COX7B: variants seen among roughly 807,000 people sequenced by gnomAD.
COX7B encodes cytochrome c oxidase subunit 7B, mitochondrial.
In COX7B, 2 loss-of-function variants were observed where a neutral mutation model predicts 7.9. The ratio of observed to expected loss-of-function variants is 0.25; its 90% CI spans 0.10 to 0.79. The LOEUF is 0.79. Among genes scored for constraint, COX7B ranks in the 30% least tolerant of loss-of-function variants. The pLI, the probability that COX7B is intolerant of heterozygous loss-of-function variation, is 0.69. For missense variants in COX7B, 54 were observed against 62.7 expected (o/e 0.86, Z 0.47); for synonymous variants, 19 against 21.1 (o/e 0.90, Z 0.27).
In COX7B at chrX:77,899,550, C is replaced by T; in HGVS notation, c.-4C>T. The T allele has an allele frequency of 8.3e-7, 1 of 1,211,378 alleles. No homozygotes were observed. On this transcript the variant is annotated 5_prime_UTR_variant, in exon 1 of 3. Coordinates refer to ENST00000650309, the MANE Select transcript of COX7B (RefSeq NM_001866.3). ...ATTGCCGCAGTTCTAGCTTCACCTT[C>T]ACGATGTTTCCCTTGGTCAAAAGCG...
chrX:77,906,835 C>T lies in COX7B; in HGVS notation c.*1574C>T, dbSNP rs1302527919. 3 of 110,704 alleles carry T rather than the reference C, an allele frequency of 2.7e-5. No homozygotes were observed. The highest frequency in any genetic ancestry group is 5.7e-5 in the Non-Finnish European group (3 of 52,904). The allele number at this position is 110,704 out of a possible 1,213,427, so 9.1% of individuals were successfully genotyped here. On this transcript the variant is annotated 3_prime_UTR_variant, in exon 3 of 3. Transcript: ENST00000650309. ...TAGAGATGGGGTTTCACCATGTTGG[C>T]CAACCTGGTCTTGAACTCCTGACCT...
At chrX:77,902,833 T>C (rs2077124247) in intron 2 of COX7B, 66 bp downstream of exon 2, 1 of 1,058,258 alleles carries the variant, frequency 9.4e-7, no homozygotes, top group African/African-American at 1.8e-5. Flanking sequence ...GCATTCAAAG[T>C]GTCTTAACAT....
chrX:77,902,227 T>C (rs2077122136), intron 1 of COX7B, among the ~76,000 whole-genome samples: 1 of 112,045 alleles, frequency 8.9e-6, no homozygotes, highest in East Asian at 2.8e-4. Context: ...AGTATTCAAA[T>C]TAATCAATGG....
rs1410372215 is a variant in COX7B, at chrX:77,905,514, G to A, written c.*253G>A. The A allele has an allele frequency of 1.3e-4, 25 of 189,466 alleles. No homozygotes were observed. The highest frequency in any genetic ancestry group is 9.5e-4 in the African/African-American group (18 of 18,958). 15.6% of individuals were successfully genotyped at this position (189,466 alleles called of 1,213,427 possible). A position where few individuals can be genotyped will look rare whatever the true frequency, so the allele number is the denominator to read the frequency against. On this transcript the variant is annotated 3_prime_UTR_variant, in exon 3 of 3. Coordinates refer to ENST00000650309, the MANE Select transcript of COX7B (RefSeq NM_001866.3). ...TTTTTTTTTTTTTTTTTTTTGGGAC[G>A]AAGTCTCACTTTGTCCCCCAGGCTG...
intron 2 of COX7B, 47 bp from the exon 3 acceptor site, chrX:77,905,137 T>C (rs1189318010): frequency 4.5e-5 from 43 of 956,318 alleles, no homozygotes; most frequent in Non-Finnish European, 6.2e-5. Context: ...TCCGAGAGAG[T>C]GTACTCTGGT....
In COX7B at chrX:77,907,251, G is replaced by A. The variant is rs1603367547; in HGVS notation, c.*1990G>A. ...GTACCACTGTTTGATAAATTTGAAC[G>A]CTTTATGGTATTTCATATTTAGAAT... On this transcript the variant is annotated 3_prime_UTR_variant, in exon 3 of 3. Coordinates refer to ENST00000650309, the MANE Select transcript of COX7B (RefSeq NM_001866.3). The A allele has an allele frequency of 9.0e-6, 1 of 111,645 alleles. No homozygotes were observed. The highest frequency in any genetic ancestry group is 3.7e-4 in the South Asian group (1 of 2,700). 9.2% of individuals were successfully genotyped at this position (111,645 alleles called of 1,213,427 possible). A position where few individuals can be genotyped will look rare whatever the true frequency, so the allele number is the denominator to read the frequency against.
At chrX:77,899,708 T>A in intron 1 of COX7B, 115 bp downstream of exon 1, 2 of 705,281 alleles carry the variant, frequency 2.8e-6, no homozygotes, top group Non-Finnish European at 4.4e-6. Flanking sequence ...GAATGCTGTC[T>A]GTCTCCCATC....
intron 1 of COX7B, 60 bp from the exon 2 acceptor site, chrX:77,902,583 G>T: frequency 1.7e-6 from 2 of 1,172,890 alleles, no homozygotes; most frequent in Non-Finnish European, 2.3e-6. Context: ...AATCACATAT[G>T]TTTTCTTTAC....
intron 2 of COX7B, 29 bp from the exon 3 acceptor site, chrX:77,905,155 C>T (rs372363360): frequency 1.7e-5 from 19 of 1,127,536 alleles, no homozygotes; most frequent in African/African-American, 3.6e-5. Flanking sequence ...GGTTTAAACA[C>T]GTAACTGACA....
In COX7B at chrX:77,906,423, T is replaced by C. The variant is rs782040995; in HGVS notation, c.*1162T>C. The C allele has an allele frequency of 2.7e-5, 3 of 112,053 alleles. No homozygotes were observed. The East Asian group carries it at 8.4e-4, about 31-fold the overall frequency. 9.2% of individuals were successfully genotyped at this position (112,053 alleles called of 1,213,427 possible). ...TGTTTTGGCATATTCATCTTGATTA[T>C]AGCTCTTGGTCTTTCATCATATTAG... On this transcript the variant is annotated 3_prime_UTR_variant, in exon 3 of 3. Coordinates refer to ENST00000650309, the MANE Select transcript of COX7B (RefSeq NM_001866.3).
At chrX:77,904,253 A>C (rs1248634613) in intron 2 of COX7B, among the ~76,000 whole-genome samples, 4 of 110,071 alleles carry the variant, frequency 3.6e-5, no homozygotes, top group African/African-American at 1.3e-4. Context: ...TAAATGCATA[A>C]GTTGGTTTAA....
At chrX:77,903,929 G>GT (rs2077127701) in intron 2 of COX7B, among the ~76,000 whole-genome samples, 3 of 90,614 alleles carry the variant, frequency 3.3e-5, no homozygotes, top group Non-Finnish European at 6.7e-5. Context: ...TTTTTGTTTT[G>GT]TTTTTTGTTT....
intron 2 of COX7B, among the ~76,000 whole-genome samples, chrX:77,904,885 T>C (rs1389690119): frequency 2.7e-5 from 3 of 111,927 alleles, no homozygotes; most frequent in African/African-American, 9.7e-5. Flanking sequence ...ATTCATTTCC[T>C]TGGTGATACT....
intron 1 of COX7B, chrX:77,901,830 TCGTC>T (rs1178273361): frequency 1.8e-5 from 2 of 111,627 alleles, no homozygotes; most frequent in Non-Finnish European, 3.8e-5. Flanking sequence ...ACTCAAGTGA[TCGTC>T]CGGCCACAGC....
At chrX:77,900,529 A>G (rs920009787) in intron 1 of COX7B, among the ~76,000 whole-genome samples, 3 of 112,431 alleles carry the variant, frequency 2.7e-5, no homozygotes, top group Non-Finnish European at 3.8e-5. Flanking sequence ...ATTTGCACCG[A>G]AGGTGACCTT....
At chrX:77,899,728 G>C in intron 1 of COX7B, 135 bp downstream of exon 1, 1 of 592,313 alleles carries the variant, frequency 1.7e-6, no homozygotes, top group South Asian at 2.6e-5. Context: ...CTCGTCCCAA[G>C]TCATTGGGAT....
In COX7B at chrX:77,906,190, C is replaced by T. The variant is rs987780232; in HGVS notation, c.*929C>T. 8.9e-6 allele frequency: 1 copy of T among 112,354 alleles called. No homozygotes were observed. Among genetic ancestry groups the T allele is most frequent in the Non-Finnish European group, 1.9e-5 (1 of 53,320 alleles). 9.3% of individuals were successfully genotyped at this position (112,354 alleles called of 1,213,427 possible). A position where few individuals can be genotyped will look rare whatever the true frequency, so the allele number is the denominator to read the frequency against. On this transcript the variant is annotated 3_prime_UTR_variant, in exon 3 of 3. Transcript: ENST00000650309. ...TAAATAACTGATCATGGAACTATTG[C>T]AGATCACCTTTGAGCCAAAAATTTG...
rs1188616342 is a variant in COX7B at position 77,907,361 on chromosome X, A to T, written c.*2100A>T. 8.9e-6 allele frequency: 1 copy of T among 112,177 alleles called. No individual in the cohort carries two copies. Among genetic ancestry groups the T allele is most frequent in the African/African-American group, 3.2e-5 (1 of 30,878 alleles). 9.2% of individuals were successfully genotyped at this position (112,177 alleles called of 1,213,427 possible). A position where few individuals can be genotyped will look rare whatever the true frequency, so the allele number is the denominator to read the frequency against. On this transcript the variant is annotated 3_prime_UTR_variant, in exon 3 of 3. Coordinates refer to ENST00000650309, the MANE Select transcript of COX7B (RefSeq NM_001866.3). ...TAAACATGTATTTAAGGAAGTGTCA[A>T]CCTTCAATTATATACCTTTTTGTCA...
rs191432998 is a variant in COX7B, at chrX:77,902,861, G to T, written c.165+94G>T. The T allele has an allele frequency of 2.9e-4, 250 of 869,128 alleles. 1 individual carries two copies. In the East Asian group the frequency reaches 7.5e-3, roughly 26 times the overall value. 71.6% of individuals were successfully genotyped at this position (869,128 alleles called of 1,213,427 possible). A position where few individuals can be genotyped will look rare whatever the true frequency, so the allele number is the denominator to read the frequency against. ...CTTAACATAGTAGTGTACATATCTA[G>T]TTAGGAGGGACTTGAGAGATTGTGT... On this transcript the variant is annotated intron_variant, in intron 2 of 2. Transcript: ENST00000650309.
Sources: allele counts gnomAD v4.1 joint callset (sites outside exome capture counted in the v4.1 genomes callset), GRCh38; gene constraint gnomAD v4.1.1; transcripts MANE v1.5; gene names NCBI Gene and HGNC (gene_info 2026-07-23, HGNC 2026-07-21).